Variants in HSPA9 observed in about 807,000 individuals in gnomAD.
The protein encoded by HSPA9 is heat shock protein family A (Hsp70) member 9.
In HSPA9, 28 loss-of-function variants were observed where a neutral mutation model predicts 81.5. That is an observed-to-expected ratio of 0.34 (90% CI 0.25 to 0.47). The LOEUF is 0.47. Among genes scored for constraint, HSPA9 ranks in the 20% least tolerant of loss-of-function variants. The probability of loss-of-function intolerance (pLI) is 1.00; values close to 1 mark genes in which losing one functional copy is unlikely to be tolerated. For missense variants in HSPA9, 678 were observed against 838.0 expected, an observed-to-expected ratio of 0.81 and a Z score of 2.36; for synonymous variants, 293 against 290.4, an observed-to-expected ratio of 1.01 and a Z score of -0.09.
At position 138,554,816 on chromosome 5, in the gene HSPA9, A is replaced by G. The variant is rs540872879; in HGVS notation, c.*1221T>C. The G allele has an allele frequency of 5.1e-4, 77 of 152,346 alleles. No homozygotes were observed. Among genetic ancestry groups the G allele is most frequent in the African/African-American group, 1.6e-3 (67 of 41,588 alleles). 9.4% of individuals were successfully genotyped at this position (152,346 alleles called of 1,614,324 possible). On this transcript the variant is annotated 3_prime_UTR_variant, in exon 17 of 17. Transcript: ENST00000297185. The stretch of plus-strand genomic sequence containing the variant: ...TTTCTGCTCAGGTTGTCAGCACATG[A>G]TAATTATTAGAACTACATCAGAGAA...
intron 10 of HSPA9, chr5:138,560,813 G>A (rs1487942294): frequency 5.0e-6 from 2 of 403,126 alleles, no homozygotes; most frequent in Admixed American, 6.9e-5. Context: ...CTCCCAAAGT[G>A]CTGGGATTAC....
Position 138,573,848 on chromosome 5 carries a change from G to T in HSPA9, c.143C>A (p.Ser48Ter). ...FRLVSRRDYA[S>*]EAIKGAVVGI... Reference sequence around the variant, plus strand: ...AACAACTGCTCCCTTGATTGCTTCTGATCTGTAAGACATTTAGAACAGTGT... The same window carrying T: ...AACAACTGCTCCCTTGATTGCTTCTTATCTGTAAGACATTTAGAACAGTGT... Residue 48 changes from serine to a stop codon, truncating the protein, a stop_gained and splice_region_variant, in exon 3 of 17, where the codon TCA (serine) becomes TAA (stop). Coordinates refer to ENST00000297185, the MANE Select transcript of HSPA9 (RefSeq NM_004134.7). LOFTEE classifies it high-confidence loss of function. 1.2e-6 allele frequency: 2 copies of T among 1,608,844 alleles called. No homozygotes were observed. Among genetic ancestry groups the T allele is most frequent in the Non-Finnish European group, 1.7e-6 (2 of 1,175,340 alleles).
chr5:138,562,612 A>G (rs1267918469), intron 9 of HSPA9, among the ~76,000 whole-genome samples: 4 of 152,244 alleles, frequency 2.6e-5, no homozygotes, highest in East Asian at 1.9e-4. Flanking sequence ...ATGTTTTAAT[A>G]AAGTTTATAG....
Position 138,575,308 on chromosome 5 carries a change from G to A in HSPA9, c.11C>T (p.Ala4Val). The A allele has an allele frequency of 6.2e-7, 1 of 1,612,114 alleles. No homozygotes were observed. Among genetic ancestry groups the A allele is most frequent in the South Asian group, 1.1e-5 (1 of 90,874 alleles). Residue 4 changes from alanine (A) to valine (V), a missense_variant, in exon 1 of 17, where the codon GCC (alanine) becomes GTC (valine). Transcript: ENST00000297185. MISASRAAAARLVG... is the reference protein window; with the variant it reads MISVSRAAAARLVG... ...GAGACGGGCTGCTGCAGCTCGGCTG[G>A]CACTTATCATGGCGGATAAATGGAG...
rs138636944 is a variant in HSPA9 at position 138,571,089 on chromosome 5, G to A, written c.281C>T (p.Thr94Ile). 5 of 1,614,030 alleles carry A rather than the reference G, an allele frequency of 3.1e-6. No individual in the cohort carries two copies. The highest frequency in any genetic ancestry group is 2.7e-5 in the African/African-American group (2 of 74,928). The change falls in exon 4 of 17, where the codon ACA (threonine) becomes ATA (isoleucine). Residue 94 changes from threonine to isoleucine, a missense_variant. Thr to Ile is a moderately conservative substitution (Grantham distance 89). Coordinates refer to ENST00000297185, the MANE Select transcript of HSPA9 (RefSeq NM_004134.7). ...TCCAACAAGTCGCTCACCATCTGCT[G>A]TAAAGGCCACAACTGAAGGGGTGGT... Reference protein sequence around the residue: ...ARTTPSVVAFTADGERLVGMP... With the variant: ...ARTTPSVVAFIADGERLVGMP...
intron 10 of HSPA9, chr5:138,561,078 G>T (rs1219072187): frequency 4.0e-6 from 2 of 498,960 alleles, no homozygotes; most frequent in African/African-American, 3.9e-5. Context: ...CGTTCTTTCA[G>T]AATGATGTGT....
intron 3 of HSPA9, among the ~76,000 whole-genome samples, chr5:138,573,150 C>T (rs13436433): frequency 0.058 from 8,842 of 152,170 alleles, 789 homozygotes; most frequent in African/African-American, 0.2. Context: ...GCCTTGGCCT[C>T]CCAAAGTGCT....
intron 5 of HSPA9, among the ~76,000 whole-genome samples, chr5:138,568,612 C>G (rs1043271837): frequency 6.6e-6 from 1 of 152,182 alleles, no homozygotes; most frequent in African/African-American, 2.4e-5. Context: ...AGACTTACAA[C>G]AGCCACTTCA....
intron 9 of HSPA9, among the ~76,000 whole-genome samples, chr5:138,565,462 A>G (rs979656210): frequency 2.0e-5 from 3 of 152,172 alleles, no homozygotes; most frequent in African/African-American, 4.8e-5. Context: ...CTTGTGGGTG[A>G]TCAAAATAAA....
chr5:138,573,420 G>A (rs1750994394), intron 3 of HSPA9, among the ~76,000 whole-genome samples: 1 of 152,014 alleles, frequency 6.6e-6, no homozygotes, highest in African/African-American at 2.4e-5. Context: ...CAGCACTTTG[G>A]AGGCCAACGT....
chr5:138,562,630 C>T (rs1401655611), intron 9 of HSPA9, among the ~76,000 whole-genome samples: 1 of 152,124 alleles, frequency 6.6e-6, no homozygotes, highest in East Asian at 1.9e-4. Context: ...TAGTTATTAA[C>T]AAGAATGCAG....
intron 14 of HSPA9, 69 bp downstream of exon 14, chr5:138,557,333 A>G: frequency 9.4e-7 from 1 of 1,058,836 alleles, no homozygotes; most frequent in South Asian, 1.3e-5. Flanking sequence ...CACTGCGCCC[A>G]GCCCCAAACT....
At position 138,573,765 on chromosome 5, in the gene HSPA9, T is replaced by C. The variant is rs772049109; in HGVS notation, c.226A>G (p.Lys76Glu). 1 of 1,600,286 alleles carries C rather than the reference T, an allele frequency of 6.2e-7. No homozygotes were observed. The highest frequency in any genetic ancestry group is 8.6e-7 in the Non-Finnish European group (1 of 1,168,058). ...TACTAGTTATCAATCATGCTCACCTTTGCTTGTTTACCTTCCATAACTGCC... is the reference window on the plus strand; with the variant it reads ...TACTAGTTATCAATCATGCTCACCTCTGCTTGTTTACCTTCCATAACTGCC... Reference protein sequence around the residue: ...CVAVMEGKQAKVLENAEGART... With the variant: ...CVAVMEGKQAEVLENAEGART... Residue 76 changes from lysine (K) to glutamate (E), a missense_variant and splice_region_variant, in exon 3 of 17, where the codon AAG becomes GAG. Around this residue, in one of 4 missense-constraint regions of HSPA9, gnomAD observed 484 missense variants for 647.5 expected, o/e 0.75. Transcript: ENST00000297185.
At position 138,556,121 on chromosome 5, in the gene HSPA9, AG is replaced by A; in HGVS notation, c.1963-8del. The A allele has an allele frequency of 1.9e-6, 3 of 1,612,058 alleles. No homozygotes were observed. In the African/African-American group the frequency reaches 4.0e-5, roughly 21 times the overall value. ...CTTCTCGCTCAGATGCCATCTGTTAAGAAAACATTTGAGAGCCACTCAGATT... is the reference window on the plus strand; with the variant it reads ...CTTCTCGCTCAGATGCCATCTGTTAAAAAACATTTGAGAGCCACTCAGATT... On this transcript the variant is annotated splice_polypyrimidine_tract_variant and splice_region_variant and intron_variant, in intron 16 of 16. Transcript: ENST00000297185.
chr5:138,573,775 A>G lies in HSPA9; in HGVS notation c.216T>C (p.Gly72=), dbSNP rs1023379516. Residue 72 remains glycine (G), a synonymous_variant, in exon 3 of 17, where the codon GGT becomes GGC. Transcript: ENST00000297185. ...CAATCATGCTCACCTTTGCTTGTTT[A>G]CCTTCCATAACTGCCACGCAGGAGT... ...TTNSCVAVME[G]KQAKVLENAE... 3.1e-6 allele frequency: 5 copies of G among 1,607,330 alleles called. No homozygotes were observed. The highest frequency in any genetic ancestry group is 8.5e-7 in the Non-Finnish European group (1 of 1,174,822).
In HSPA9 at chr5:138,556,038, T is replaced by C. The variant is rs1405593740; in HGVS notation, c.2039A>G (p.Ter680=). 1.2e-6 allele frequency: 2 copies of C among 1,609,538 alleles called. No homozygotes were observed. Among genetic ancestry groups the C allele is most frequent in the Non-Finnish European group, 1.7e-6 (2 of 1,176,038 alleles). ...QKEDQKEEKQ[*] Reference sequence around the variant, plus strand: ...CTGGCTTCAAAATTTCTGCTATTATTACTGTTTTTCCTCCTTTTGATCTTC... The same window carrying C: ...CTGGCTTCAAAATTTCTGCTATTATCACTGTTTTTCCTCCTTTTGATCTTC... The change falls in exon 17 of 17, where the codon TAA becomes TGA. Residue 680 remains the stop codon, a stop_retained_variant. Transcript: ENST00000297185.
intron 1 of HSPA9, 172 bp downstream of exon 1, chr5:138,575,066 T>C: frequency 1.6e-6 from 1 of 619,290 alleles, no homozygotes; most frequent in South Asian, 2.0e-5. Context: ...AGGCAAAACC[T>C]TGGGCAAAAT....
In HSPA9 at chr5:138,573,767, G is replaced by A; in HGVS notation, c.224C>T (p.Ala75Val). 1.3e-6 allele frequency: 2 copies of A among 1,598,114 alleles called. No individual in the cohort carries two copies. The highest frequency in any genetic ancestry group is 2.2e-5 in the East Asian group (1 of 44,668). Reference sequence around the variant, plus strand: ...CTAGTTATCAATCATGCTCACCTTTGCTTGTTTACCTTCCATAACTGCCAC... The same window carrying A: ...CTAGTTATCAATCATGCTCACCTTTACTTGTTTACCTTCCATAACTGCCAC... ...SCVAVMEGKQ[A>V]KVLENAEGAR... Residue 75 changes from alanine to valine, a missense_variant, in exon 3 of 17, where the codon GCA becomes GTA. Ala to Val is a moderately conservative substitution (Grantham distance 64, BLOSUM62 0). Transcript: ENST00000297185.
chr5:138,562,480 G>A (rs1267023129), intron 9 of HSPA9, among the ~76,000 whole-genome samples: 1 of 151,974 alleles, frequency 6.6e-6, no homozygotes, highest in Non-Finnish European at 1.5e-5. Flanking sequence ...GAACCCGGGA[G>A]GTGGAGGTTG....
Sources: gnomAD v4.1 joint callset for allele counts (sites outside exome capture counted in the v4.1 genomes callset) on GRCh38, gnomAD v4.1.1 for gene constraint, gnomAD v4.1.1 regional missense constraint, MANE v1.5 for transcripts, NCBI Gene and HGNC (gene_info 2026-07-23, HGNC 2026-07-21) for gene names.